The following YES1 variants were observed in gnomAD, a reference collection of about 807,000 sequenced individuals.
The protein encoded by YES1 is YES proto-oncogene 1, Src family tyrosine kinase.
Under a neutral mutation model 70.4 loss-of-function variants are expected in YES1, and 39 were observed. That is an observed-to-expected ratio of 0.55 (90% CI 0.43 to 0.72). YES1 has a LOEUF of 0.72. Ranked by LOEUF, YES1 falls within the 30% of genes least tolerant of loss-of-function variation. The pLI is 0.00. For synonymous variants in YES1, 198 were observed against 218.6 expected (o/e 0.91, Z 0.83); for missense variants, 495 against 644.8 (o/e 0.77, Z 2.52).
chr18:755,172 G>A (rs1598908476), intron 2 of YES1, among the ~76,000 whole-genome samples: 1 of 151,932 alleles, frequency 6.6e-6, no homozygotes, highest in African/African-American at 2.4e-5. Flanking sequence ...CTGGAATTAA[G>A]ACTGTAATTG....
intron 1 of YES1, among the ~76,000 whole-genome samples, chr18:791,251 G>GAAAAAAAAAAGAA (rs369468052): frequency 2.4e-5 from 2 of 82,330 alleles, no homozygotes; most frequent in African/African-American, 9.2e-5. Context: ...ACTTGAAGAA[G>GAAAAAAAAAAGAA]AAAAAAAAAA....
At chr18:792,527 A>ATC (rs374164158) in intron 1 of YES1, among the ~76,000 whole-genome samples, 4,449 of 115,224 alleles carry the variant, frequency 0.039, 107 homozygotes, top group African/African-American at 0.08. Flanking sequence ...CTGAGACTCC[A>ATC]TCTCTCTCTC....
intron 3 of YES1, among the ~76,000 whole-genome samples, chr18:749,593 C>T (rs958501122): frequency 1.3e-5 from 2 of 152,056 alleles, no homozygotes; most frequent in Admixed American, 6.6e-5. Context: ...CGGTGGCTCA[C>T]GCCTGTAATC....
chr18:744,097 ATACT>A (rs1359339938), intron 6 of YES1, among the ~76,000 whole-genome samples: 3 of 150,952 alleles, frequency 2.0e-5, no homozygotes, highest in African/African-American at 4.9e-5. Flanking sequence ...TATTTACTAA[ATACT>A]TAGTATGTTC....
At chr18:736,624 C>A in intron 10 of YES1, 184 bp downstream of exon 10, 1 of 725,908 alleles carries the variant, frequency 1.4e-6, no homozygotes, top group Non-Finnish European at 2.1e-6. Flanking sequence ...TAGTCAAGTT[C>A]TTTCTTGGAG....
At chr18:762,876 C>T (rs1169487188) in intron 1 of YES1, among the ~76,000 whole-genome samples, 2 of 152,070 alleles carry the variant, frequency 1.3e-5, no homozygotes, top group African/African-American at 4.8e-5. Context: ...CAACACTGTA[C>T]AATGTGAAAA....
intron 11 of YES1, among the ~76,000 whole-genome samples, chr18:725,307 C>T (rs1053245931): frequency 3.3e-5 from 5 of 152,130 alleles, no homozygotes; most frequent in African/African-American, 1.2e-4. Flanking sequence ...CTATCTCCCG[C>T]ATCACCTTCC....
chr18:768,658 G>A (rs532670273), intron 1 of YES1, among the ~76,000 whole-genome samples: 1 of 152,014 alleles, frequency 6.6e-6, no homozygotes, highest in Non-Finnish European at 1.5e-5. Flanking sequence ...TTATAATACT[G>A]TATTTTTACC....
chr18:738,185 T>G (rs192543870), intron 9 of YES1: 209 of 152,278 alleles, frequency 1.4e-3, no homozygotes, highest in African/African-American at 4.8e-3. Flanking sequence ...AATTGTCAGA[T>G]TCTGTGGACA....
At chr18:754,619 G>C (rs2080382622) in intron 2 of YES1, among the ~76,000 whole-genome samples, 1 of 151,000 alleles carries the variant, frequency 6.6e-6, no homozygotes. Context: ...GCTAAGGCAA[G>C]AGAATGGCTT....
intron 11 of YES1, among the ~76,000 whole-genome samples, chr18:727,785 T>C (rs2080038672): frequency 6.6e-6 from 1 of 152,156 alleles, no homozygotes; most frequent in Non-Finnish European, 1.5e-5. Context: ...TAAGATTTTT[T>C]ATTGTTGGTG....
At chr18:762,742 C>T (rs932838879) in intron 1 of YES1, among the ~76,000 whole-genome samples, 2 of 152,084 alleles carry the variant, frequency 1.3e-5, no homozygotes, top group Non-Finnish European at 2.9e-5. Context: ...ACCACTTGTA[C>T]CTCAAAAGCT....
rs2079995665 is a variant in YES1 at position 724,579 on chromosome 18, A to G, written c.1477T>C (p.Cys493Arg). 7 of 1,614,068 alleles carry G rather than the reference A, an allele frequency of 4.3e-6. No homozygotes were observed. The highest frequency in any genetic ancestry group is 5.9e-6 in the Non-Finnish European group (7 of 1,180,030). Residue 493 changes from cysteine (C) to arginine (R), a missense_variant, in exon 12 of 12, where the codon TGC becomes CGC. Transcript: ENST00000314574. ...EQVERGYRMP[C>R]PQGCPESLHE... ...AGGGATTCTGGACAGCCCTGAGGGCACGGCATCCTGTATCCTCGCTCCACT... is the reference window on the plus strand; with the variant it reads ...AGGGATTCTGGACAGCCCTGAGGGCGCGGCATCCTGTATCCTCGCTCCACT...
chr18:769,640 G>T (rs893743989), intron 1 of YES1, among the ~76,000 whole-genome samples: 1 of 152,098 alleles, frequency 6.6e-6, no homozygotes, highest in African/African-American at 2.4e-5. Flanking sequence ...AGTGAATTTT[G>T]TCAAAAGCTT....
intron 1 of YES1, among the ~76,000 whole-genome samples, chr18:810,043 G>A (rs1907295597): frequency 6.7e-6 from 1 of 149,938 alleles, no homozygotes; most frequent in South Asian, 2.1e-4. Context: ...AAGTTTGGGT[G>A]ACCCCAGCGC....
rs561405258 is a variant in YES1, at chr18:774,503, A to G, written c.-8-17668T>C. Among the ~76,000 whole-genome samples the G allele has an allele frequency of 2.6e-5, 4 of 152,248 alleles. No homozygotes were observed. In the South Asian group the frequency reaches 8.3e-4, roughly 32 times the overall value. ...TCCTCCTGCAATCTTCCCCAACTCG[A>G]TAAATGTTAACGCCATTCTTCTAGT... On this transcript the variant is annotated intron_variant, in intron 1 of 11. Coordinates refer to ENST00000314574, the MANE Select transcript of YES1 (RefSeq NM_005433.4).
chr18:742,459 TA>T (rs59582095), intron 8 of YES1, among the ~76,000 whole-genome samples: 133 of 143,338 alleles, frequency 9.3e-4, no homozygotes, highest in Non-Finnish European at 1.3e-3. Flanking sequence ...AGTCTCTATT[TA>T]AAAAAAAAAA....
chr18:763,993 C>CG (rs1348443407), intron 1 of YES1, among the ~76,000 whole-genome samples: 8 of 151,686 alleles, frequency 5.3e-5, no homozygotes, highest in Admixed American at 1.3e-4. Flanking sequence ...TGGTGGCGGG[C>CG]ACTGTAGTCC....
intron 1 of YES1, among the ~76,000 whole-genome samples, chr18:793,622 C>T (rs1906385781): frequency 6.6e-6 from 1 of 152,108 alleles, no homozygotes; most frequent in Non-Finnish European, 1.5e-5. Flanking sequence ...CAGGTGTGAG[C>T]CACTGTGTCT....
Sources: gnomAD v4.1 joint callset for allele counts (sites outside exome capture counted in the v4.1 genomes callset) on GRCh38, gnomAD v4.1.1 for gene constraint, MANE v1.5 for transcripts, NCBI Gene and HGNC (gene_info 2026-07-23, HGNC 2026-07-21) for gene names.